SPATA16: variants seen among roughly 807,000 people sequenced by gnomAD.
SPATA16 encodes the protein spermatogenesis-associated protein 16.
A neutral mutation model predicts 63.3 loss-of-function variants in SPATA16; 36 were observed. The ratio of observed to expected loss-of-function variants is 0.57; its 90% CI spans 0.44 to 0.75. The LOEUF (loss-of-function observed/expected upper bound fraction) is 0.75, where lower values mean the gene tolerates loss of function less well. Ranked by LOEUF, SPATA16 falls within the 30% of genes least tolerant of loss-of-function variation. The pLI is 0.00. For missense variants in SPATA16, 646 were observed against 679.3 expected (o/e 0.95, Z 0.54); for synonymous variants, 203 against 216.7 (o/e 0.94, Z 0.56).
Position 172,916,230 on chromosome 3 carries a change from G to T in SPATA16, c.1503+87C>A, listed in dbSNP as rs1018300108. On this transcript the variant is annotated intron_variant, in intron 9 of 10. Transcript: ENST00000351008. The stretch of plus-strand genomic sequence containing the variant: ...CCTCAGGCTACATTTATTACCACAG[G>T]ATTTTTTTTTTTTTTTTTCCCCAGA... 5.6e-6 allele frequency: 7 copies of T among 1,247,858 alleles called. No homozygotes were observed. In the African/African-American group the frequency reaches 9.0e-5, roughly 16 times the overall value. The allele number at this position is 1,247,858 out of a possible 1,614,324, so 77.3% of individuals were successfully genotyped here.
chr3:173,079,049 G>A (rs1031532597), intron 2 of SPATA16, among the ~76,000 whole-genome samples: 19 of 152,142 alleles, frequency 1.2e-4, no homozygotes, highest in African/African-American at 4.3e-4. Flanking sequence ...TCCTAAAAAT[G>A]TGTTTATTGT....
chr3:173,089,810 A>C (rs375118038), intron 2 of SPATA16, among the ~76,000 whole-genome samples: 2 of 151,812 alleles, frequency 1.3e-5, no homozygotes, highest in Non-Finnish European at 2.9e-5. Flanking sequence ...CGGAAGCACT[A>C]CTCCTCCAGG....
chr3:173,026,226 G>T (rs1735451240), intron 3 of SPATA16, among the ~76,000 whole-genome samples: 1 of 141,262 alleles, frequency 7.1e-6, no homozygotes, highest in Non-Finnish European at 1.7e-5. Context: ...TTGGCCATTT[G>T]TGTATATTCT....
intron 10 of SPATA16, among the ~76,000 whole-genome samples, chr3:172,904,290 G>T (rs1301292391): frequency 6.6e-6 from 1 of 152,146 alleles, no homozygotes; most frequent in African/African-American, 2.4e-5. Flanking sequence ...TGTTCCAATT[G>T]TGATAGTTAT....
chr3:172,961,069 T>TTCCTTCCTTCCTTCCTTCCTTCCTTC (rs1560080334), intron 5 of SPATA16, among the ~76,000 whole-genome samples: 13 of 72,384 alleles, frequency 1.8e-4, no homozygotes, highest in East Asian at 3.8e-4. Context: ...CTTTCTTCTT[T>TTCCTTCCTTCCTTCCTTCCTTCCTTC]CTTCCTTCCT....
rs373186527 is a variant in SPATA16 at position 172,925,362 on chromosome 3, C to A, written c.1212G>T (p.Lys404Asn). The stretch of plus-strand genomic sequence containing the variant: ...ATGATTTACCTGTGAATATCGGCAG[C>A]TTCCTGCTTGATATTTTTTCCAAAA... ...GKFLEKISSR[K>N]LPIFTEHKTP... Residue 404 changes from lysine to asparagine, a missense_variant, in exon 7 of 11, where the codon AAG becomes AAT. Physicochemically the swap from Lys to Asn is moderately conservative, Grantham distance 94 (BLOSUM62 0). Coordinates refer to ENST00000351008, the MANE Select transcript of SPATA16 (RefSeq NM_031955.6). 27 of 1,613,640 alleles carry A rather than the reference C, an allele frequency of 1.7e-5. No individual in the cohort carries two copies. The African/African-American group carries it at 3.3e-4, about 20-fold the overall frequency.
intron 2 of SPATA16, among the ~76,000 whole-genome samples, chr3:173,054,238 T>C (rs936889589): frequency 6.6e-6 from 1 of 152,168 alleles, no homozygotes; most frequent in Non-Finnish European, 1.5e-5. Context: ...ATAAATACTT[T>C]ATATATATGA....
intron 10 of SPATA16, among the ~76,000 whole-genome samples, chr3:172,905,688 A>G (rs368052710): frequency 8.0e-6 from 1 of 124,236 alleles, no homozygotes; most frequent in Non-Finnish European, 1.7e-5. Flanking sequence ...AGTATGATTC[A>G]TAAGTTAAGA....
chr3:172,902,774 T>A (rs775416536), intron 10 of SPATA16, among the ~76,000 whole-genome samples: 113 of 152,326 alleles, frequency 7.4e-4, no homozygotes, highest in Admixed American at 1.1e-3. Context: ...TAATTCAATT[T>A]TGATGATGCT....
intron 2 of SPATA16, among the ~76,000 whole-genome samples, chr3:173,101,672 G>C (rs1737500141): frequency 6.6e-6 from 1 of 151,908 alleles, no homozygotes; most frequent in Non-Finnish European, 1.5e-5. Flanking sequence ...TAACATCCTG[G>C]CCTTTCACAT....
intron 1 of SPATA16, among the ~76,000 whole-genome samples, chr3:173,126,963 C>T (rs1315033164): frequency 6.6e-6 from 1 of 152,224 alleles, no homozygotes; most frequent in East Asian, 1.9e-4. Context: ...TTCTTTTGAA[C>T]TACCCTTCAA....
intron 3 of SPATA16, among the ~76,000 whole-genome samples, chr3:173,024,853 A>G (rs1293692670): frequency 6.6e-6 from 1 of 150,674 alleles, no homozygotes; most frequent in East Asian, 2.0e-4. Context: ...TTCTTGACAT[A>G]TAGAAAATTT....
chr3:172,967,288 A>G (rs944454640), intron 5 of SPATA16, among the ~76,000 whole-genome samples: 2 of 152,224 alleles, frequency 1.3e-5, no homozygotes, highest in Non-Finnish European at 2.9e-5. Flanking sequence ...TAGGAGGCAA[A>G]AAAAGTAAAG....
intron 5 of SPATA16, among the ~76,000 whole-genome samples, chr3:172,968,048 A>G (rs901435185): frequency 1.3e-5 from 2 of 152,206 alleles, no homozygotes; most frequent in Non-Finnish European, 2.9e-5. Flanking sequence ...AAAGTTGGGG[A>G]CCACTGCAAT....
chr3:173,106,297 C>A, intron 2 of SPATA16, among the ~76,000 whole-genome samples: 1 of 152,244 alleles, frequency 6.6e-6, no homozygotes, highest in Admixed American at 6.5e-5. Context: ...CACCCAATTC[C>A]TTCCTATTTT....
chr3:172,899,662 T>C (rs934400746), intron 10 of SPATA16, among the ~76,000 whole-genome samples: 4 of 152,138 alleles, frequency 2.6e-5, no homozygotes, highest in East Asian at 3.9e-4. Context: ...TAGTCTGCCA[T>C]TTTATTTTTT....
At chr3:173,134,998 T>C (rs1738500934) in intron 1 of SPATA16, among the ~76,000 whole-genome samples, 1 of 152,168 alleles carries the variant, frequency 6.6e-6, no homozygotes, top group Admixed American at 6.5e-5. Flanking sequence ...TTTTTGTTCA[T>C]CAAAACACAT....
intron 3 of SPATA16, among the ~76,000 whole-genome samples, chr3:173,026,361 A>T (rs1049250433): frequency 6.6e-6 from 1 of 151,942 alleles, no homozygotes; most frequent in African/African-American, 2.4e-5. Context: ...CATATACTGC[A>T]CATATTTTTC....
At chr3:172,991,706 A>C (rs1482902849) in intron 4 of SPATA16, among the ~76,000 whole-genome samples, 4 of 152,162 alleles carry the variant, frequency 2.6e-5, no homozygotes, top group African/African-American at 9.7e-5. Context: ...TGCTTCACAG[A>C]TTATGCAACA....
Sources: gnomAD v4.1 joint callset for allele counts (sites outside exome capture counted in the v4.1 genomes callset) on GRCh38, gnomAD v4.1.1 for gene constraint, MANE v1.5 for transcripts, NCBI Gene and HGNC (gene_info 2026-07-23, HGNC 2026-07-21) for gene names.